Variants in MAP3K3 observed in about 807,000 individuals in gnomAD.
The protein encoded by MAP3K3 is mitogen-activated protein kinase kinase kinase 3, also known as MAP/ERK kinase kinase 3.
MAP3K3 carries 12 observed loss-of-function variants against 80.9 expected under a neutral mutation model. The ratio of observed to expected loss-of-function variants is 0.15; its 90% CI spans 0.10 to 0.24. MAP3K3 has a LOEUF of 0.24. MAP3K3 is among the 10% of genes least tolerant of loss of function. The pLI, the probability that MAP3K3 is intolerant of heterozygous loss-of-function variation, is 1.00. For synonymous variants in MAP3K3, 272 were observed against 307.1 expected, an observed-to-expected ratio of 0.89 and a Z score of 1.19; for missense variants, 596 against 834.7, an observed-to-expected ratio of 0.71 and a Z score of 3.52.
chr17:63,684,385 C>T (rs548677331), intron 7 of MAP3K3, among the ~76,000 whole-genome samples: 1 of 152,294 alleles, frequency 6.6e-6, no homozygotes, highest in South Asian at 2.1e-4. Flanking sequence ...GGATTTAAAG[C>T]AATTCTCTCC....
At chr17:63,623,115 C>G (rs1178973549) in intron 1 of MAP3K3, among the ~76,000 whole-genome samples, 5 of 152,044 alleles carry the variant, frequency 3.3e-5, no homozygotes, top group African/African-American at 9.7e-5. Context: ...GGAGCAAGAG[C>G]GCAGTGTGGG....
chr17:63,678,969 C>T (rs1156544011), intron 6 of MAP3K3, among the ~76,000 whole-genome samples: 1 of 152,172 alleles, frequency 6.6e-6, no homozygotes, highest in African/African-American at 2.4e-5. Flanking sequence ...GCGGAGGTTG[C>T]CTTGAGCCAA....
At chr17:63,662,971 G>A (rs995749095) in intron 5 of MAP3K3, among the ~76,000 whole-genome samples, 8 of 150,060 alleles carry the variant, frequency 5.3e-5, no homozygotes, top group Non-Finnish European at 1.2e-4. Context: ...CACCACGCCC[G>A]GCCCCAGAAG....
chr17:63,684,690 C>G (rs570071922), intron 7 of MAP3K3, among the ~76,000 whole-genome samples: 2 of 152,248 alleles, frequency 1.3e-5, no homozygotes, highest in East Asian at 3.9e-4. Flanking sequence ...CAAGATCTCA[C>G]TATGTTGCCC....
chr17:63,654,497 TG>T (rs1376021307), intron 4 of MAP3K3, among the ~76,000 whole-genome samples: 1 of 152,190 alleles, frequency 6.6e-6, no homozygotes, highest in Non-Finnish European at 1.5e-5. Flanking sequence ...TTTCATTTTT[TG>T]GTGATTAAAT....
chr17:63,632,114 A>C (rs1340295083), intron 1 of MAP3K3, among the ~76,000 whole-genome samples: 1 of 152,218 alleles, frequency 6.6e-6, no homozygotes, highest in Non-Finnish European at 1.5e-5. Flanking sequence ...CACTGGACCA[A>C]CTGCCCTGTT....
chr17:63,667,212 G>T, intron 6 of MAP3K3, 152 bp downstream of exon 6: 1 of 846,494 alleles, frequency 1.2e-6, no homozygotes. Flanking sequence ...TATTTAGAGA[G>T]GAAGGGCAAA....
chr17:63,638,748 CAAAA>C (rs1423565698), intron 2 of MAP3K3, among the ~76,000 whole-genome samples: 1 of 152,182 alleles, frequency 6.6e-6, no homozygotes. Context: ...CTCAGACACA[CAAAA>C]GAAATGTATG....
chr17:63,643,174 A>G (rs1197207500), intron 2 of MAP3K3, among the ~76,000 whole-genome samples: 1 of 152,200 alleles, frequency 6.6e-6, no homozygotes, highest in Non-Finnish European at 1.5e-5. Flanking sequence ...TAATTGTAAC[A>G]AAAAGAAATA....
chr17:63,622,700 C>G lies in MAP3K3; in HGVS notation c.-60C>G. The G allele has an allele frequency of 2.3e-6, 1 of 436,402 alleles. No homozygotes were observed. The highest frequency in any genetic ancestry group is 4.5e-6 in the Non-Finnish European group (1 of 222,964). The allele number at this position is 436,402 out of a possible 1,614,324, so 27.0% of individuals were successfully genotyped here. A position where few individuals can be genotyped will look rare whatever the true frequency, so the allele number is the denominator to read the frequency against. On this transcript the variant is annotated 5_prime_UTR_variant, in exon 1 of 16. Transcript: ENST00000361733. ...CCCCGCCGCCCGGGCCCCCGGCATG[C>G]AGCCCCGGCTGCGGAGGTGACACTC...
At chr17:63,672,007 GT>G (rs1464731330) in intron 6 of MAP3K3, among the ~76,000 whole-genome samples, 2 of 151,968 alleles carry the variant, frequency 1.3e-5, no homozygotes, top group African/African-American at 4.8e-5. Flanking sequence ...ATGAGGCCAG[GT>G]TTGGTGGCTC....
chr17:63,626,610 T>A (rs963394733), intron 1 of MAP3K3, among the ~76,000 whole-genome samples: 1 of 152,248 alleles, frequency 6.6e-6, no homozygotes, highest in Non-Finnish European at 1.5e-5. Context: ...GGTTCAACCA[T>A]TTCTTGAAGG....
chr17:63,693,976 C>G lies in MAP3K3; in HGVS notation c.*199C>G, dbSNP rs545191896. 7.9e-5 allele frequency: 42 copies of G among 533,992 alleles called. No individual in the cohort carries two copies. Among genetic ancestry groups the G allele is most frequent in the Admixed American group, 3.7e-4 (10 of 27,070 alleles). 33.1% of individuals were successfully genotyped at this position (533,992 alleles called of 1,614,324 possible). A position where few individuals can be genotyped will look rare whatever the true frequency, so the allele number is the denominator to read the frequency against. On this transcript the variant is annotated 3_prime_UTR_variant, in exon 16 of 16. Coordinates refer to ENST00000361733, the MANE Select transcript of MAP3K3 (RefSeq NM_002401.5). The surrounding 1 kb of genome is among the most constrained non-coding windows in gnomAD (Gnocchi z 4.2). The stretch of plus-strand genomic sequence containing the variant: ...GCTGCAGCCTCAGGACTGGGAGCCC[C>G]CAGCCTGTCAGATCCAGGAGCTCCA...
intron 1 of MAP3K3, among the ~76,000 whole-genome samples, chr17:63,631,197 G>A (rs1040197730): frequency 6.6e-6 from 1 of 152,194 alleles, no homozygotes; most frequent in Non-Finnish European, 1.5e-5. Flanking sequence ...TGAGGTGGAG[G>A]ATTGTTTGAG....
intron 2 of MAP3K3, among the ~76,000 whole-genome samples, chr17:63,640,637 CA>C (rs2034421023): frequency 6.6e-6 from 1 of 152,042 alleles, no homozygotes; most frequent in Admixed American, 6.5e-5. Flanking sequence ...CTTTTCATTG[CA>C]AAAATTAGGA....
At chr17:63,667,175 G>A (rs2074633891) in intron 6 of MAP3K3, 115 bp downstream of exon 6, 1 of 1,150,874 alleles carries the variant, frequency 8.7e-7, no homozygotes, top group Non-Finnish European at 1.2e-6. Flanking sequence ...ATTACTCTGT[G>A]TAGAGTAATC....
At chr17:63,687,147 C>A (rs941672054) in intron 8 of MAP3K3, among the ~76,000 whole-genome samples, 1 of 151,444 alleles carries the variant, frequency 6.6e-6, no homozygotes, top group Non-Finnish European at 1.5e-5. Flanking sequence ...ACGCGGATCA[C>A]CTGAGGTCAG....
chr17:63,692,008 T>A lies in MAP3K3; in HGVS notation c.1474+146T>A. 1 of 990,916 alleles carries A rather than the reference T, an allele frequency of 1.0e-6. No individual in the cohort carries two copies. 61.4% of individuals were successfully genotyped at this position (990,916 alleles called of 1,614,324 possible). ...TCCCTGAGGAACTGGTGAGATTGGT[T>A]GAGCAATATGAGAGAATATTGCCAA... is the stretch of plus-strand genomic sequence containing the variant. On this transcript the variant is annotated intron_variant, in intron 14 of 15. Coordinates refer to ENST00000361733, the MANE Select transcript of MAP3K3 (RefSeq NM_002401.5). This position sits in a 1 kb window ranked among gnomAD's most constrained non-coding sequence, Gnocchi z 4.5.
At chr17:63,643,396 A>G (rs1187852534) in intron 2 of MAP3K3, among the ~76,000 whole-genome samples, 1 of 152,018 alleles carries the variant, frequency 6.6e-6, no homozygotes, top group Non-Finnish European at 1.5e-5. Context: ...AGTCCCAGCT[A>G]CATGGGAGGC....
Sources: gnomAD v4.1 joint callset for allele counts (sites outside exome capture counted in the v4.1 genomes callset) on GRCh38, gnomAD v4.1.1 for gene constraint, Gnocchi (gnomAD v3.1) non-coding constraint, MANE v1.5 for transcripts, NCBI Gene and HGNC (gene_info 2026-07-23, HGNC 2026-07-21) for gene names.